The following SKAP1 variants were observed in gnomAD, a reference collection of about 807,000 sequenced individuals.
The protein encoded by SKAP1 is src kinase-associated phosphoprotein 1.
Under a neutral mutation model 58.5 loss-of-function variants are expected in SKAP1, and 44 were observed. The ratio of observed to expected loss-of-function variants is 0.75; its 90% CI spans 0.59 to 0.97. SKAP1 has a LOEUF of 0.97. Among genes scored for constraint, SKAP1 ranks in the 50% least tolerant of loss-of-function variants. The pLI is 0.00. For missense variants in SKAP1, 390 were observed against 435.2 expected (o/e 0.90, Z 0.92); for synonymous variants, 127 against 149.7 (o/e 0.85, Z 1.11).
intron 4 of SKAP1, among the ~76,000 whole-genome samples, chr17:48,243,813 A>G (rs935241024): frequency 6.6e-6 from 1 of 152,200 alleles, no homozygotes; most frequent in Non-Finnish European, 1.5e-5. Flanking sequence ...ACAAAGGACT[A>G]TCAACCTATC....
chr17:48,255,346 G>A (rs1465843588), intron 4 of SKAP1, among the ~76,000 whole-genome samples: 1 of 151,196 alleles, frequency 6.6e-6, no homozygotes, highest in Non-Finnish European at 1.5e-5. Flanking sequence ...CTACTTATAG[G>A]CAAGTTCTTT....
chr17:48,333,179 C>T (rs2066527365), intron 4 of SKAP1, among the ~76,000 whole-genome samples: 1 of 152,118 alleles, frequency 6.6e-6, no homozygotes, highest in South Asian at 2.1e-4. Context: ...AAATGTGTCA[C>T]AATTACTTAC....
At chr17:48,404,090 G>GAAA (rs35347144) in intron 1 of SKAP1, among the ~76,000 whole-genome samples, 1 of 115,058 alleles carries the variant, frequency 8.7e-6, no homozygotes, top group Non-Finnish European at 1.8e-5. Flanking sequence ...CTCTGTCTCG[G>GAAA]AAAAAAAAAA....
At chr17:48,325,598 C>A (rs1158010923) in intron 4 of SKAP1, among the ~76,000 whole-genome samples, 1 of 152,132 alleles carries the variant, frequency 6.6e-6, no homozygotes, top group African/African-American at 2.4e-5. Context: ...AAAGAAAATG[C>A]TCCAAGCTGG....
At chr17:48,174,923 T>G (rs1398435139) in intron 9 of SKAP1, among the ~76,000 whole-genome samples, 1 of 152,204 alleles carries the variant, frequency 6.6e-6, no homozygotes. Context: ...AAATATCTCA[T>G]CTCAATTGGG....
At chr17:48,193,329 C>T (rs1245834605) in intron 4 of SKAP1, among the ~76,000 whole-genome samples, 1 of 152,170 alleles carries the variant, frequency 6.6e-6, no homozygotes, top group Non-Finnish European at 1.5e-5. Flanking sequence ...AGGCATGAGC[C>T]ACCGCACCCG....
At chr17:48,351,602 C>T (rs1019808882) in intron 3 of SKAP1, among the ~76,000 whole-genome samples, 2 of 152,096 alleles carry the variant, frequency 1.3e-5, no homozygotes, top group Non-Finnish European at 2.9e-5. Context: ...AAAAGTTGCT[C>T]CAACTGGATC....
At chr17:48,415,295 G>A (rs944794178) in intron 1 of SKAP1, among the ~76,000 whole-genome samples, 48 of 151,910 alleles carry the variant, frequency 3.2e-4, no homozygotes, top group African/African-American at 1.1e-3. Flanking sequence ...AATACTTGAG[G>A]TTTTTGTCTA....
At chr17:48,371,726 A>G (rs1044344538) in intron 2 of SKAP1, among the ~76,000 whole-genome samples, 1 of 143,728 alleles carries the variant, frequency 7.0e-6, no homozygotes, top group African/African-American at 2.6e-5. Context: ...AGTCCCAGCT[A>G]CTTGGGAGGC....
At chr17:48,342,713 T>C (rs1248724990) in intron 4 of SKAP1, among the ~76,000 whole-genome samples, 1 of 152,182 alleles carries the variant, frequency 6.6e-6, no homozygotes, top group Non-Finnish European at 1.5e-5. Context: ...AAAATAACTG[T>C]CATTACAAAG....
At chr17:48,184,672 G>T in intron 7 of SKAP1, 51 bp downstream of exon 7, 1 of 1,612,014 alleles carries the variant, frequency 6.2e-7, no homozygotes, top group Non-Finnish European at 8.5e-7. Context: ...ATGCAATACA[G>T]AAGGAAACTG....
At chr17:48,185,877 A>G (rs2064444730) in intron 6 of SKAP1, 1 of 152,242 alleles carries the variant, frequency 6.6e-6, no homozygotes, top group African/African-American at 2.4e-5. Flanking sequence ...CTTTTTTGTT[A>G]AAGTATCTCT....
chr17:48,193,511 TG>T, intron 4 of SKAP1: 1 of 164,482 alleles, frequency 6.1e-6, no homozygotes, highest in East Asian at 1.9e-4. Flanking sequence ...AACTGTCTTC[TG>T]TGTACAAGGT....
At chr17:48,433,409 G>A (rs2067928190), upstream of SKAP1, among the ~76,000 whole-genome samples, 1 of 152,166 alleles carries the variant, frequency 6.6e-6, no homozygotes, top group Non-Finnish European at 1.5e-5. Context: ...CTATGTGGCT[G>A]TCATGGAAGA....
chr17:48,368,899 T>C (rs1465406795), intron 2 of SKAP1, among the ~76,000 whole-genome samples: 1 of 152,228 alleles, frequency 6.6e-6, no homozygotes, highest in Non-Finnish European at 1.5e-5. Context: ...CCAGGCACTG[T>C]GGCTTGCGCC....
At chr17:48,391,803 T>TC (rs1491129265) in intron 2 of SKAP1, among the ~76,000 whole-genome samples, 13 of 134,106 alleles carry the variant, frequency 9.7e-5, no homozygotes, top group Non-Finnish European at 1.8e-4. Flanking sequence ...TTTTTTTTTT[T>TC]CTGCATTGGC....
At chr17:48,197,904 A>G (rs1338819411) in intron 4 of SKAP1, among the ~76,000 whole-genome samples, 2 of 152,186 alleles carry the variant, frequency 1.3e-5, no homozygotes, top group Non-Finnish European at 2.9e-5. Flanking sequence ...TCTCTTCCAC[A>G]TCTTCACTTT....
intron 4 of SKAP1, among the ~76,000 whole-genome samples, chr17:48,222,788 G>A (rs949338574): frequency 2.0e-5 from 3 of 151,458 alleles, no homozygotes; most frequent in South Asian, 2.1e-4. Flanking sequence ...TCTTAAGGCC[G>A]GGTGTGGTGG....
intron 4 of SKAP1, among the ~76,000 whole-genome samples, chr17:48,240,572 A>G (rs1158047210): frequency 3.9e-5 from 6 of 152,230 alleles, no homozygotes; most frequent in Non-Finnish European, 8.8e-5. Context: ...CAAGGGATTT[A>G]AACCTCAGCA....
Sources: gnomAD v4.1 joint callset for allele counts (sites outside exome capture counted in the v4.1 genomes callset) on GRCh38, gnomAD v4.1.1 for gene constraint, MANE v1.5 for transcripts, NCBI Gene and HGNC (gene_info 2026-07-23, HGNC 2026-07-21) for gene names.